The following PLCB4 variants were observed in gnomAD, a reference collection of about 807,000 sequenced individuals.
PLCB4 encodes 1-phosphatidylinositol 4,5-bisphosphate phosphodiesterase beta-4.
PLCB4 carries 77 observed loss-of-function variants against 178.8 expected under a neutral mutation model. That is an observed-to-expected ratio of 0.43 (90% CI 0.36 to 0.52). The LOEUF is 0.52. Ranked by LOEUF, PLCB4 falls within the 20% of genes least tolerant of loss-of-function variation. The pLI, the probability that PLCB4 is intolerant of heterozygous loss-of-function variation, is 0.00. For missense variants in PLCB4, 1,024 were observed against 1,453.4 expected (o/e 0.70, Z 4.80); for synonymous variants, 496 against 490.8 (o/e 1.01, Z -0.14).
rs574361395 is a variant in PLCB4 at position 9,217,385 on chromosome 20, T to G, written c.-78-5T>G. 2.6e-5 allele frequency: 4 copies of G among 152,224 alleles called. No homozygotes were observed. Among genetic ancestry groups the G allele is most frequent in the Admixed American group, 2.0e-4 (3 of 15,286 alleles). 9.4% of individuals were successfully genotyped at this position (152,224 alleles called of 1,614,324 possible). ...ATCGATTTGTCTTGTCTGTGTCTGT[T>G]TCAGAGGACAGTGCTGCTGTGAGTT... On this transcript the variant is annotated splice_region_variant and splice_polypyrimidine_tract_variant and intron_variant, in intron 2 of 39. Transcript: ENST00000378473.
At position 9,337,152 on chromosome 20, in the gene PLCB4, C is replaced by T; in HGVS notation, c.111C>T (p.Cys37=). ...EEESFVFEPN[C]LFKVDEFGFF... ...AATCCTTTGTGTTTGAACCCAACTG[C>T]CTCTTCAAAGTGGATGAGTTTGGCT... Residue 37 remains cysteine (C), a synonymous_variant, in exon 5 of 40, where the codon TGC becomes TGT. Coordinates refer to ENST00000378473, the MANE Select transcript of PLCB4 (RefSeq NM_001377142.1). 1 of 1,612,912 alleles carries T rather than the reference C, an allele frequency of 6.2e-7. No homozygotes were observed. Among genetic ancestry groups the T allele is most frequent in the South Asian group, 1.1e-5 (1 of 91,040 alleles).
intron 9 of PLCB4, 111 bp downstream of exon 9, chr20:9,365,625 T>A: frequency 1.7e-6 from 1 of 574,508 alleles, no homozygotes; most frequent in East Asian, 3.0e-5. Flanking sequence ...TAAAGATATT[T>A]CTGGAATCTT....
chr20:9,475,756 A>G (rs2044499105), intron 38 of PLCB4, among the ~76,000 whole-genome samples: 1 of 152,198 alleles, frequency 6.6e-6, no homozygotes, highest in Non-Finnish European at 1.5e-5. Flanking sequence ...CTCTCAATTC[A>G]CAGTTACTCT....
intron 3 of PLCB4, among the ~76,000 whole-genome samples, chr20:9,225,495 C>CCTT (rs1351562216): frequency 6.6e-6 from 1 of 152,080 alleles, no homozygotes; most frequent in Non-Finnish European, 1.5e-5. Context: ...TAGCCGTTGC[C>CCTT]CTTAGATTTT....
At chr20:9,288,522 T>C (rs2094554267) in intron 3 of PLCB4, among the ~76,000 whole-genome samples, 1 of 151,516 alleles carries the variant, frequency 6.6e-6, no homozygotes, top group East Asian at 2.0e-4. Flanking sequence ...TCTCAGGACA[T>C]ATTTGGACAT....
chr20:9,405,769 C>A (rs535275376), intron 21 of PLCB4, among the ~76,000 whole-genome samples: 4 of 152,290 alleles, frequency 2.6e-5, no homozygotes, highest in Non-Finnish European at 5.9e-5. Flanking sequence ...GGTAAAGTTA[C>A]ATTTTCACTT....
intron 14 of PLCB4, 49 bp from the exon 15 acceptor site, chr20:9,387,414 C>A (rs2037769612): frequency 2.2e-6 from 2 of 896,636 alleles, no homozygotes; most frequent in African/African-American, 1.7e-5. Context: ...TTTGTATGAA[C>A]ACTATTTCAT....
intron 7 of PLCB4, among the ~76,000 whole-genome samples, chr20:9,339,835 T>C (rs1404161688): frequency 6.6e-6 from 1 of 152,156 alleles, no homozygotes; most frequent in Non-Finnish European, 1.5e-5. Flanking sequence ...TAATACCATA[T>C]CCAGCATACC....
At chr20:9,195,839 C>A (rs2093464886) in intron 2 of PLCB4, among the ~76,000 whole-genome samples, 1 of 152,130 alleles carries the variant, frequency 6.6e-6, no homozygotes, top group Non-Finnish European at 1.5e-5. Flanking sequence ...CTCTAGAGAA[C>A]CCTGACTAAT....
At chr20:9,255,329 C>T (rs990155885) in intron 3 of PLCB4, among the ~76,000 whole-genome samples, 1 of 152,186 alleles carries the variant, frequency 6.6e-6, no homozygotes, top group South Asian at 2.1e-4. Flanking sequence ...CAGTATGCTG[C>T]CTCTTTATTC....
intron 4 of PLCB4, among the ~76,000 whole-genome samples, chr20:9,322,915 A>C (rs531694194): frequency 3.9e-5 from 6 of 152,330 alleles, no homozygotes; most frequent in Non-Finnish European, 8.8e-5. Flanking sequence ...ACACCCACCA[A>C]GCACTAAGCC....
intron 4 of PLCB4, among the ~76,000 whole-genome samples, chr20:9,310,458 C>T (rs2094818416): frequency 6.6e-6 from 1 of 152,110 alleles, no homozygotes; most frequent in Non-Finnish European, 1.5e-5. Flanking sequence ...TGCCTGTAAT[C>T]CCAGCACTTT....
At position 9,367,603 on chromosome 20, in the gene PLCB4, G is replaced by A. The variant is rs1568664579; in HGVS notation, c.503+2089G>A. On this transcript the variant is annotated intron_variant, in intron 9 of 39. Coordinates refer to ENST00000378473, the MANE Select transcript of PLCB4 (RefSeq NM_001377142.1). ...AGCAGTGTGAAGAATAGAAATGTAG[G>A]TTGGATGTGTTTTTACATGCCTTAC... Among the ~76,000 whole-genome samples the A allele has an allele frequency of 3.3e-5, 5 of 152,302 alleles. No individual in the cohort carries two copies. In the East Asian group the frequency reaches 7.7e-4, roughly 23 times the overall value.
At chr20:9,208,911 G>T (rs2093643223) in intron 2 of PLCB4, among the ~76,000 whole-genome samples, 2 of 152,164 alleles carry the variant, frequency 1.3e-5, no homozygotes, top group Non-Finnish European at 2.9e-5. Flanking sequence ...AATCAAGTCA[G>T]TTGAATGAAA....
At chr20:9,431,634 TTGTGTGTGTGTGTGTTTGTG>T (rs2041407736) in intron 28 of PLCB4, among the ~76,000 whole-genome samples, 1 of 138,570 alleles carries the variant, frequency 7.2e-6, no homozygotes, top group Non-Finnish European at 1.6e-5. Context: ...CGGGGCCAAT[TTGTGTGTGTGTGTGTTTGTG>T]TGTGTGTGTG....
intron 24 of PLCB4, 118 bp from the exon 25 acceptor site, chr20:9,410,919 T>C: frequency 1.5e-6 from 1 of 685,652 alleles, no homozygotes; most frequent in Non-Finnish European, 2.6e-6. Context: ...AACCTTGTAG[T>C]ATTAAAGAGG....
rs193257256 is a variant in PLCB4, at chr20:9,167,546, C to T, written c.-78-49844C>T. Among the ~76,000 whole-genome samples, 353 of 152,172 alleles carry T rather than the reference C, an allele frequency of 2.3e-3. 1 individual carries two copies. The highest frequency in any genetic ancestry group is 7.3e-3 in the African/African-American group (305 of 41,544). On this transcript the variant is annotated intron_variant, in intron 2 of 39. Coordinates refer to ENST00000378473, the MANE Select transcript of PLCB4 (RefSeq NM_001377142.1). ...TAAAAATATACTTTGAACATGAACG[C>T]GTACTTATTCATTGTCTTGGAAAGT... is the stretch of plus-strand genomic sequence containing the variant.
rs2040819210 is a variant in PLCB4 at position 9,423,930 on chromosome 20, A to C, written c.2502A>C (p.Thr834=). ...TTTTCTGCAATATTGTTCTTAAAACATATGTGCCTGATGGATTTGGAGGTA... is the reference window on the plus strand; with the variant it reads ...TTTTCTGCAATATTGTTCTTAAAACCTATGTGCCTGATGGATTTGGAGGTA... ...PTIFCNIVLK[T]YVPDGFGDIV... The change falls in exon 28 of 40, where the codon ACA becomes ACC. Residue 834 remains threonine, a synonymous_variant. Transcript: ENST00000378473. The C allele has an allele frequency of 6.2e-7, 1 of 1,608,766 alleles. No individual in the cohort carries two copies. Among genetic ancestry groups the C allele is most frequent in the Non-Finnish European group, 8.5e-7 (1 of 1,175,478 alleles).
chr20:9,185,788 G>A (rs1476713800), intron 2 of PLCB4, among the ~76,000 whole-genome samples: 1 of 152,114 alleles, frequency 6.6e-6, no homozygotes, highest in Non-Finnish European at 1.5e-5. Flanking sequence ...TCATCCTGGG[G>A]TCTTTGCTGT....
Sources: gnomAD v4.1 joint callset for allele counts (sites outside exome capture counted in the v4.1 genomes callset) on GRCh38, gnomAD v4.1.1 for gene constraint, MANE v1.5 for transcripts, NCBI Gene and HGNC (gene_info 2026-07-23, HGNC 2026-07-21) for gene names.